COL21A1: variants seen among roughly 807,000 people sequenced by gnomAD.
The protein encoded by COL21A1 is collagen alpha-1(XXI) chain.
COL21A1 carries 149 observed loss-of-function variants against 137.9 expected under a neutral mutation model. The observed-to-expected ratio is 1.08, with a 90% confidence interval of 0.95 to 1.24. COL21A1 has a LOEUF of 1.24. COL21A1 is among the 50% of genes most tolerant of loss of function. COL21A1 has a pLI of 0.00. For missense variants in COL21A1, 1,167 were observed against 1,158.4 expected, an observed-to-expected ratio of 1.01 and a Z score of -0.11; for synonymous variants, 456 against 391.5, an observed-to-expected ratio of 1.16 and a Z score of -1.95.
chr6:56,309,511 T>C (rs72870225), intron 1 of COL21A1, among the ~76,000 whole-genome samples: 2,118 of 152,284 alleles, frequency 0.014, 22 homozygotes, highest in South Asian at 0.023. Flanking sequence ...TGGAATAAAA[T>C]AGCCATCACA....
intron 1 of COL21A1, among the ~76,000 whole-genome samples, chr6:56,190,379 C>T (rs570669715): frequency 6.2e-4 from 95 of 152,160 alleles, no homozygotes; most frequent in African/African-American, 2.2e-3. Flanking sequence ...CACCCTCCCA[C>T]GTCTAAACCA....
At chr6:56,193,414 A>G (rs2152292411) in intron 1 of COL21A1, among the ~76,000 whole-genome samples, 1 of 152,360 alleles carries the variant, frequency 6.6e-6, no homozygotes, top group East Asian at 1.9e-4. Context: ...AACACATTGT[A>G]TTTAATAACA....
chr6:56,387,454 C>CA (rs141141884), intron 1 of COL21A1, among the ~76,000 whole-genome samples: 27,924 of 151,606 alleles, frequency 0.18, 2,726 homozygotes, highest in African/African-American at 0.23. Flanking sequence ...TCACAAACAC[C>CA]AAAAAAAATC....
intron 1 of COL21A1, among the ~76,000 whole-genome samples, chr6:56,348,296 G>T (rs967179437): frequency 1.3e-5 from 2 of 152,106 alleles, no homozygotes; most frequent in Non-Finnish European, 2.9e-5. Flanking sequence ...AGTTGAGAAA[G>T]GATTTTCAGT....
chr6:56,235,067 T>C (rs985897602), intron 1 of COL21A1, among the ~76,000 whole-genome samples: 4 of 151,894 alleles, frequency 2.6e-5, no homozygotes, highest in Non-Finnish European at 5.9e-5. Context: ...TTTCCATTCA[T>C]AGCTCTAAGG....
At chr6:56,125,783 T>C (rs1773007589) in intron 13 of COL21A1, among the ~76,000 whole-genome samples, 163 bp from the exon 14 acceptor site, 1 of 152,016 alleles carries the variant, frequency 6.6e-6, no homozygotes, top group Non-Finnish European at 1.5e-5. Flanking sequence ...ATTTCCAGGC[T>C]TTATAAAGAA....
At chr6:56,129,282 A>G (rs778739155) in intron 12 of COL21A1, among the ~76,000 whole-genome samples, 1 of 151,966 alleles carries the variant, frequency 6.6e-6, no homozygotes, top group Non-Finnish European at 1.5e-5. Context: ...GGCCTCTGTT[A>G]TATAAATCAG....
At chr6:56,244,778 G>A (rs76961948) in intron 1 of COL21A1, among the ~76,000 whole-genome samples, 1,976 of 152,090 alleles carry the variant, frequency 0.013, 17 homozygotes, top group Non-Finnish European at 0.021. Context: ...TCAACTTATC[G>A]CTAAAATAAA....
At chr6:56,333,952 A>T (rs13205765) in intron 1 of COL21A1, among the ~76,000 whole-genome samples, 102,555 of 151,846 alleles carry the variant, frequency 0.68, 34,963 homozygotes, top group East Asian at 0.9. Flanking sequence ...CCCATTTCTG[A>T]TTCTGTTGTT....
intron 1 of COL21A1, among the ~76,000 whole-genome samples, chr6:56,201,991 A>G (rs1779438741): frequency 6.6e-6 from 1 of 152,134 alleles, no homozygotes; most frequent in African/African-American, 2.4e-5. Flanking sequence ...CCTGGCTTGA[A>G]GTATAAGAAC....
intron 1 of COL21A1, among the ~76,000 whole-genome samples, chr6:56,237,634 T>C (rs1781992154): frequency 6.6e-6 from 1 of 152,142 alleles, no homozygotes; most frequent in African/African-American, 2.4e-5. Flanking sequence ...GTACATTTAT[T>C]AAATTAGTCA....
Position 56,354,764 on chromosome 6 carries a change from G to A in COL21A1, c.-39+39207C>T, listed in dbSNP as rs57858990. 7.3e-3 allele frequency among the ~76,000 whole-genome samples: 1,104 copies of A among 152,206 alleles called. 10 individuals are homozygous for A. The highest frequency in any genetic ancestry group is 0.025 in the African/African-American group (1,033 of 41,546). On this transcript the variant is annotated intron_variant, in intron 1 of 28. Coordinates refer to the COL21A1 transcript ENST00000370819. Reference sequence around the variant, plus strand: ...GCATGCCTGCAGCCCCATCTACTGCGAGGAGGATCTCTTGATCCTGGGAGG... The same window carrying A: ...GCATGCCTGCAGCCCCATCTACTGCAAGGAGGATCTCTTGATCCTGGGAGG...
At chr6:56,104,255 C>T (rs916621841) in intron 16 of COL21A1, among the ~76,000 whole-genome samples, 2 of 152,058 alleles carry the variant, frequency 1.3e-5, no homozygotes, top group African/African-American at 2.4e-5. Context: ...GGAACAGACT[C>T]TTTATTCTTC....
chr6:56,265,672 C>A (rs1172474906), intron 1 of COL21A1, among the ~76,000 whole-genome samples: 5 of 152,192 alleles, frequency 3.3e-5, no homozygotes, highest in African/African-American at 1.2e-4. Context: ...ATTCAGTGGA[C>A]AATAGACCTG....
At chr6:56,084,593 T>C (rs1400276085) in intron 17 of COL21A1, among the ~76,000 whole-genome samples, 7 of 151,976 alleles carry the variant, frequency 4.6e-5, no homozygotes, top group Non-Finnish European at 1.0e-4. Context: ...ACAAAAGGAT[T>C]AGATAAAACT....
chr6:56,284,582 C>A (rs962861798), intron 1 of COL21A1, among the ~76,000 whole-genome samples: 1 of 152,146 alleles, frequency 6.6e-6, no homozygotes, highest in Non-Finnish European at 1.5e-5. Context: ...AGCCTCCTAA[C>A]AGCAGTGTCT....
intron 1 of COL21A1, among the ~76,000 whole-genome samples, chr6:56,319,361 G>A (rs56716855): frequency 0.028 from 4,201 of 152,132 alleles, 199 homozygotes; most frequent in African/African-American, 0.096. Flanking sequence ...TGTTTGTGAC[G>A]GAGTCTCACT....
intron 1 of COL21A1, among the ~76,000 whole-genome samples, chr6:56,189,644 A>G (rs1405346312): frequency 6.6e-6 from 1 of 152,178 alleles, no homozygotes; most frequent in Non-Finnish European, 1.5e-5. Context: ...CCTCGAGAAG[A>G]GCAACCCCAA....
chr6:56,086,062 G>T (rs999552543), intron 17 of COL21A1, among the ~76,000 whole-genome samples: 1 of 151,204 alleles, frequency 6.6e-6, no homozygotes, highest in Non-Finnish European at 1.5e-5. Context: ...AGCTTGGATT[G>T]TCATCAGGGG....
Sources: allele counts gnomAD v4.1 joint callset (sites outside exome capture counted in the v4.1 genomes callset), GRCh38; gene constraint gnomAD v4.1.1; transcripts MANE v1.5; gene names NCBI Gene and HGNC (gene_info 2026-07-23, HGNC 2026-07-21).